Variants in PHF14 observed in about 807,000 individuals in gnomAD.
The protein encoded by PHF14 is PHD finger protein 14.
A neutral mutation model predicts 117.9 loss-of-function variants in PHF14; 55 were observed. That is an observed-to-expected ratio of 0.47 (90% confidence interval 0.38 to 0.58). PHF14 has a LOEUF of 0.58. Ranked by LOEUF, PHF14 falls within the 20% of genes least tolerant of loss-of-function variation. The pLI is 0.00. For missense variants in PHF14, 978 were observed against 1,122.2 expected (o/e 0.87, Z 1.84); for synonymous variants, 409 against 368.6 (o/e 1.11, Z -1.26).
chr7:11,009,318 T>C (rs984530634), intron 4 of PHF14, among the ~76,000 whole-genome samples: 6 of 152,170 alleles, frequency 3.9e-5, no homozygotes, highest in African/African-American at 1.4e-4. Context: ...ACATTTCCAC[T>C]GATTTGAATT....
intron 16 of PHF14, chr7:11,062,692 T>C (rs1160749855): frequency 1.0e-6 from 1 of 984,946 alleles, no homozygotes; most frequent in Non-Finnish European, 1.2e-6. Context: ...ATCAGAAATC[T>C]TAGCTGATGC....
chr7:11,123,331 G>A (rs995011777), intron 17 of PHF14, among the ~76,000 whole-genome samples: 1 of 152,036 alleles, frequency 6.6e-6, no homozygotes, highest in Admixed American at 6.6e-5. Context: ...TTAATTGGCC[G>A]TTTCCTCTTA....
At chr7:11,047,976 GA>G (rs1304028582) in intron 13 of PHF14, among the ~76,000 whole-genome samples, 1 of 150,712 alleles carries the variant, frequency 6.6e-6, no homozygotes, top group Non-Finnish European at 1.5e-5. Flanking sequence ...AGGGAAAAGA[GA>G]AAAACCTCTT....
At chr7:11,026,441 T>C (rs1783913324) in intron 6 of PHF14, among the ~76,000 whole-genome samples, 1 of 152,218 alleles carries the variant, frequency 6.6e-6, no homozygotes, top group Non-Finnish European at 1.5e-5. Flanking sequence ...GGTCTGGAGC[T>C]GAACTTGGGT....
chr7:11,076,936 A>G (rs1319306235), intron 16 of PHF14, among the ~76,000 whole-genome samples: 1 of 149,320 alleles, frequency 6.7e-6, no homozygotes, highest in Non-Finnish European at 1.5e-5. Flanking sequence ...ATATGTTAGT[A>G]TCTCAATGGT....
chr7:11,031,329 T>A (rs1784115601), intron 7 of PHF14, among the ~76,000 whole-genome samples: 1 of 152,212 alleles, frequency 6.6e-6, no homozygotes, highest in Admixed American at 6.5e-5. Flanking sequence ...CATGTGACAT[T>A]TCTATTCTTT....
At chr7:10,979,902 T>G (rs1781995176) in intron 2 of PHF14, among the ~76,000 whole-genome samples, 1 of 152,148 alleles carries the variant, frequency 6.6e-6, no homozygotes, top group South Asian at 2.1e-4. Context: ...TTGGGTAAGC[T>G]ATTAGGAGTT....
At chr7:11,096,746 A>G (rs1220705810) in intron 16 of PHF14, among the ~76,000 whole-genome samples, 1 of 152,182 alleles carries the variant, frequency 6.6e-6, no homozygotes, top group Non-Finnish European at 1.5e-5. Flanking sequence ...AACTCAAGAT[A>G]ATCTTCCCAC....
At chr7:11,063,394 A>G (rs371524517) in intron 16 of PHF14, 27 of 978,080 alleles carry the variant, frequency 2.8e-5, no homozygotes, top group Middle Eastern at 5.2e-4. Context: ...GCGTAACATA[A>G]TGGAGTAAAT....
intron 16 of PHF14, among the ~76,000 whole-genome samples, chr7:11,098,909 T>G (rs1241684608): frequency 6.6e-6 from 1 of 152,210 alleles, no homozygotes; most frequent in African/African-American, 2.4e-5. Flanking sequence ...TCTTTAGACT[T>G]AAAATGATGC....
chr7:11,031,671 A>G (rs974080816), intron 7 of PHF14, among the ~76,000 whole-genome samples: 2 of 151,814 alleles, frequency 1.3e-5, no homozygotes, highest in African/African-American at 2.4e-5. Flanking sequence ...AGAGGATCAC[A>G]TATACCCGGG....
intron 3 of PHF14, among the ~76,000 whole-genome samples, chr7:10,986,524 T>C (rs1782231983): frequency 1.3e-5 from 2 of 152,230 alleles, no homozygotes; most frequent in Admixed American, 1.3e-4. Flanking sequence ...GAGAGTTCAC[T>C]GGACCACACC....
intron 16 of PHF14, among the ~76,000 whole-genome samples, chr7:11,101,400 C>CA (rs1195132480): frequency 6.6e-6 from 1 of 151,784 alleles, no homozygotes; most frequent in Non-Finnish European, 1.5e-5. Context: ...AAACTACAGA[C>CA]AAAGTAGTTC....
intron 13 of PHF14, among the ~76,000 whole-genome samples, chr7:11,048,024 T>C (rs1474977533): frequency 6.6e-6 from 1 of 152,036 alleles, no homozygotes; most frequent in Non-Finnish European, 1.5e-5. Flanking sequence ...TTGCATAAAT[T>C]CCTGACATGG....
rs945227955 is a variant in PHF14, at chr7:10,974,386, CGGT to C, written c.1+65_1+67del. The C allele has an allele frequency of 3.5e-5, 50 of 1,437,942 alleles. No homozygotes were observed. The African/African-American group carries it at 4.9e-4, about 14-fold the overall frequency. 89.1% of individuals were successfully genotyped at this position (1,437,942 alleles called of 1,614,324 possible). On this transcript the variant is annotated intron_variant, in intron 1 of 17. Coordinates refer to ENST00000634607, the MANE Select transcript of PHF14 (RefSeq NM_001007157.2). Reference sequence around the variant, plus strand: ...TTTCAGCCATTCTAGAAGTCAGGGCCGGTGGGAGCAGGGCAGGGGTGGGAGAGT... The same window carrying C: ...TTTCAGCCATTCTAGAAGTCAGGGCCGGGAGCAGGGCAGGGGTGGGAGAGT...
At chr7:11,158,593 T>G (rs1788930412) in intron 17 of PHF14, among the ~76,000 whole-genome samples, 1 of 152,132 alleles carries the variant, frequency 6.6e-6, no homozygotes, top group South Asian at 2.1e-4. Context: ...GGGAGTTGTT[T>G]TATTTTTAAG....
chr7:10,974,473 C>T (rs1181641261), intron 1 of PHF14, 149 bp downstream of exon 1: 1 of 736,392 alleles, frequency 1.4e-6, no homozygotes, highest in Non-Finnish European at 2.4e-6. Flanking sequence ...GAATGAAGCC[C>T]GCTTGTTTTA....
At chr7:11,062,125 G>T in intron 16 of PHF14, 40 bp downstream of exon 16, 1 of 1,526,380 alleles carries the variant, frequency 6.6e-7, no homozygotes, top group Non-Finnish European at 8.8e-7. Context: ...GGGGATGAAA[G>T]TTCTATATTT....
At chr7:11,129,025 T>C (rs895975105) in intron 17 of PHF14, among the ~76,000 whole-genome samples, 6 of 152,048 alleles carry the variant, frequency 3.9e-5, no homozygotes, top group Non-Finnish European at 8.8e-5. Flanking sequence ...CAAACTCTCT[T>C]ACAACAGAGG....
Sources: allele counts gnomAD v4.1 joint callset (sites outside exome capture counted in the v4.1 genomes callset), GRCh38; gene constraint gnomAD v4.1.1; transcripts MANE v1.5; gene names NCBI Gene and HGNC (gene_info 2026-07-23, HGNC 2026-07-21).